The following MAF variants were observed in gnomAD, a reference collection of about 807,000 sequenced individuals.
The protein encoded by MAF is transcription factor Maf.
A neutral mutation model predicts 22.0 loss-of-function variants in MAF; 10 were observed. That is an observed-to-expected ratio of 0.45 (90% CI 0.28 to 0.77). The LOEUF is 0.77. Among genes scored for constraint, MAF ranks in the 30% least tolerant of loss-of-function variants. The pLI, the probability that MAF is intolerant of heterozygous loss-of-function variation, is 0.12. For missense variants in MAF, 544 were observed against 548.4 expected, an observed-to-expected ratio of 0.99 and a Z score of 0.08; for synonymous variants, 337 against 255.8, an observed-to-expected ratio of 1.32 and a Z score of -3.03.
the MAF span, among the ~76,000 whole-genome samples, chr16:79,467,063 A>G: frequency 3.2e-4 from 48 of 152,296 alleles, no homozygotes; most frequent in South Asian, 5.0e-3. Context: ...CAATATTAGA[A>G]TATGATCTTG....
the MAF span, among the ~76,000 whole-genome samples, chr16:79,563,080 T>C: frequency 5.3e-5 from 8 of 151,792 alleles, no homozygotes; most frequent in Admixed American, 4.6e-4. Flanking sequence ...GGTTATACTA[T>C]GGAAACAGAC....
the MAF span, among the ~76,000 whole-genome samples, chr16:79,545,278 G>A: frequency 6.6e-6 from 1 of 152,180 alleles, no homozygotes; most frequent in South Asian, 2.1e-4. Context: ...CAAGCTTGGA[G>A]AACATACACA....
At chr16:79,476,892 T>C in the MAF span, among the ~76,000 whole-genome samples, 2 of 152,308 alleles carry the variant, frequency 1.3e-5, no homozygotes, top group East Asian at 1.9e-4. Flanking sequence ...GGAGCTCCTG[T>C]GTGCAGGTCT....
chr16:79,376,638 T>C, the MAF span, among the ~76,000 whole-genome samples: 1 of 152,314 alleles, frequency 6.6e-6, no homozygotes, highest in Middle Eastern at 3.4e-3. Context: ...TAACTCGTCA[T>C]TTAGCATTAG....
chr16:79,578,398 G>T, the MAF span, among the ~76,000 whole-genome samples: 4 of 151,908 alleles, frequency 2.6e-5, no homozygotes, highest in South Asian at 2.1e-4. Flanking sequence ...GGTGCATGCC[G>T]ATATTTATAT....
chr16:79,377,400 T>G, the MAF span, among the ~76,000 whole-genome samples: 1 of 152,242 alleles, frequency 6.6e-6, no homozygotes, highest in Non-Finnish European at 1.5e-5. Context: ...TAAATTTGTT[T>G]GAGTTCATTG....
the MAF span, among the ~76,000 whole-genome samples, chr16:79,560,203 G>A: frequency 1.3e-5 from 2 of 151,930 alleles, no homozygotes; most frequent in Admixed American, 6.6e-5. Context: ...ACCTGGGCCA[G>A]GTGCACCACT....
the MAF span, among the ~76,000 whole-genome samples, chr16:79,539,521 A>T: frequency 6.6e-6 from 1 of 152,172 alleles, no homozygotes; most frequent in Non-Finnish European, 1.5e-5. Flanking sequence ...AACAAAACAA[A>T]AGAGAAAGAA....
At chr16:79,383,328 C>T in the MAF span, among the ~76,000 whole-genome samples, 1 of 151,882 alleles carries the variant, frequency 6.6e-6, no homozygotes, top group South Asian at 2.1e-4. Context: ...ATGCTGGCAT[C>T]ATGAAAAGAT....
chr16:79,547,886 G>C, the MAF span, among the ~76,000 whole-genome samples: 1 of 26,684 alleles, frequency 3.7e-5, no homozygotes, highest in Non-Finnish European at 1.0e-4. Context: ...GTGTGCGTGT[G>C]TGTGTGTGTG....
At chr16:79,301,688 ATGT>A in the MAF span, among the ~76,000 whole-genome samples, 7 of 152,188 alleles carry the variant, frequency 4.6e-5, no homozygotes, top group African/African-American at 1.7e-4. Context: ...TTTACTATAT[ATGT>A]TGTACGTGTG....
the MAF span, among the ~76,000 whole-genome samples, chr16:79,241,214 C>G: frequency 6.6e-6 from 1 of 152,068 alleles, no homozygotes; most frequent in Non-Finnish European, 1.5e-5. Context: ...CAGAAGTAGA[C>G]TTCCCAAGGT....
chr16:79,455,227 G>A, the MAF span, among the ~76,000 whole-genome samples: 3 of 152,058 alleles, frequency 2.0e-5, no homozygotes, highest in Admixed American at 6.6e-5. Context: ...TCAAAGTGAA[G>A]CCATGGTATA....
chr16:79,305,027 G>T, the MAF span, among the ~76,000 whole-genome samples: 45 of 152,324 alleles, frequency 3.0e-4, no homozygotes, highest in African/African-American at 6.0e-4. Context: ...GACAATGAAG[G>T]TTCTCAACTC....
the MAF span, among the ~76,000 whole-genome samples, chr16:79,489,850 G>A: frequency 6.6e-6 from 1 of 152,118 alleles, no homozygotes; most frequent in South Asian, 2.1e-4. Context: ...CTTTTCTAAC[G>A]GTGACTCTGG....
the MAF span, among the ~76,000 whole-genome samples, chr16:79,284,444 T>G: frequency 6.6e-6 from 1 of 152,148 alleles, no homozygotes; most frequent in East Asian, 1.9e-4. Flanking sequence ...GGGCCTAAAG[T>G]AAGGCATCAA....
chr16:79,428,620 A>G, the MAF span, among the ~76,000 whole-genome samples: 4 of 152,094 alleles, frequency 2.6e-5, no homozygotes, highest in Non-Finnish European at 5.9e-5. Flanking sequence ...CAGGTGGATC[A>G]CTTGAGGCCA....
chr16:79,280,093 C>T, the MAF span, among the ~76,000 whole-genome samples: 22 of 152,202 alleles, frequency 1.4e-4, no homozygotes, highest in African/African-American at 5.3e-4. Flanking sequence ...ACCATCAGCT[C>T]GATAAGCTGC....
the MAF span, among the ~76,000 whole-genome samples, chr16:79,396,817 G>T: frequency 6.6e-6 from 1 of 152,208 alleles, no homozygotes; most frequent in African/African-American, 2.4e-5. Context: ...AGCTCCTAGG[G>T]TGATGTGAAT....
Sources: gnomAD v4.1 joint callset for allele counts (sites outside exome capture counted in the v4.1 genomes callset) on GRCh38, gnomAD v4.1.1 for gene constraint, MANE v1.5 for transcripts, NCBI Gene and HGNC (gene_info 2026-07-23, HGNC 2026-07-21) for gene names.